The following ANXA2 variants were observed in gnomAD, a reference collection of about 807,000 sequenced individuals.
ANXA2 encodes the protein annexin II.
Under a neutral mutation model 47.3 loss-of-function variants are expected in ANXA2, and 28 were observed. The observed-to-expected ratio is 0.59, with a 90% CI of 0.44 to 0.81. The LOEUF (loss-of-function observed/expected upper bound fraction) is 0.81, where lower values mean the gene tolerates loss of function less well. ANXA2 is among the 40% of genes least tolerant of loss of function. The pLI is 0.00. For synonymous variants in ANXA2, 172 were observed against 155.5 expected (o/e 1.11, Z -0.79); for missense variants, 384 against 414.3 (o/e 0.93, Z 0.64).
intron 5 of ANXA2, among the ~76,000 whole-genome samples, chr15:60,358,028 T>A (rs533149808): frequency 1.8e-4 from 28 of 152,352 alleles, no homozygotes; most frequent in Non-Finnish European, 2.9e-5. Context: ...CCAGCATTGT[T>A]AGAGTAAGTC....
At chr15:60,380,753 G>A (rs1271251031) in intron 3 of ANXA2, among the ~76,000 whole-genome samples, 2 of 134,774 alleles carry the variant, frequency 1.5e-5, no homozygotes, top group African/African-American at 2.9e-5. Context: ...GCAGTGAGCT[G>A]AGATGATGCC....
chr15:60,382,316 A>G (rs779350334), intron 3 of ANXA2, 26 bp downstream of exon 3: 7 of 1,576,760 alleles, frequency 4.4e-6, no homozygotes, highest in Non-Finnish European at 6.1e-6. Context: ...AGACCCTGAC[A>G]AGAAGAGGAC....
intron 1 of ANXA2, among the ~76,000 whole-genome samples, chr15:60,392,685 G>C (rs2063029500): frequency 6.6e-6 from 1 of 152,234 alleles, no homozygotes; most frequent in African/African-American, 2.4e-5. Flanking sequence ...GGGCTGGTCT[G>C]CACAGGCAAA....
At chr15:60,397,448 G>C (rs2063096039) in intron 1 of ANXA2, 1 of 473,600 alleles carries the variant, frequency 2.1e-6, no homozygotes, top group South Asian at 9.2e-5. Context: ...CCTCCTGCTG[G>C]TCGGTTCAAC....
intron 3 of ANXA2, among the ~76,000 whole-genome samples, chr15:60,370,535 C>T (rs1275187706): frequency 1.3e-5 from 2 of 152,174 alleles, no homozygotes; most frequent in Non-Finnish European, 2.9e-5. Flanking sequence ...GCCATTTATT[C>T]CTGTGAAAAA....
At chr15:60,368,253 T>C (rs1056322961) in intron 3 of ANXA2, among the ~76,000 whole-genome samples, 1 of 146,574 alleles carries the variant, frequency 6.8e-6, no homozygotes, top group African/African-American at 2.5e-5. Context: ...CCCTCCACTA[T>C]TGTCCTATGA....
At chr15:60,368,384 A>T (rs1341493753) in intron 3 of ANXA2, among the ~76,000 whole-genome samples, 1 of 151,992 alleles carries the variant, frequency 6.6e-6, no homozygotes, top group Non-Finnish European at 1.5e-5. Context: ...AGCTTCAAAG[A>T]TGCTTATTTC....
chr15:60,352,057 T>C lies in ANXA2; in HGVS notation c.683-238A>G, dbSNP rs2062357569. On this transcript the variant is annotated intron_variant, in intron 9 of 12. Transcript: ENST00000451270. The surrounding 1 kb of genome is among the most constrained non-coding windows in gnomAD (Gnocchi z 4.2). ...GCCACATATTTGGACCATCTCTATC[T>C]CCCCTGAGTGGAACCCATTCCATCC... 6.6e-6 allele frequency among the ~76,000 whole-genome samples: 1 copy of C among 151,880 alleles called. No individual in the cohort carries two copies. Among genetic ancestry groups the C allele is most frequent in the Non-Finnish European group, 1.5e-5 (1 of 67,992 alleles).
At chr15:60,386,189 T>G in intron 1 of ANXA2, 103 bp from the exon 2 acceptor site, 1 of 789,918 alleles carries the variant, frequency 1.3e-6, no homozygotes. Flanking sequence ...CCATTTCATC[T>G]GACGATATTG....
chr15:60,382,221 T>A, intron 3 of ANXA2, 121 bp downstream of exon 3: 1 of 705,880 alleles, frequency 1.4e-6, no homozygotes, highest in Non-Finnish European at 2.6e-6. Context: ...CTGGATCTAC[T>A]CCATTAAAGC....
chr15:60,366,195 G>C (rs548663455), intron 3 of ANXA2, among the ~76,000 whole-genome samples: 1 of 147,456 alleles, frequency 6.8e-6, no homozygotes, highest in South Asian at 2.2e-4. Flanking sequence ...ATCTCGGCTC[G>C]CTACAACCAC....
chr15:60,396,640 C>CT (rs2063084553), intron 1 of ANXA2, among the ~76,000 whole-genome samples: 1 of 152,222 alleles, frequency 6.6e-6, no homozygotes, highest in Non-Finnish European at 1.5e-5. Context: ...TTAAAAAGGT[C>CT]TTTCAGGGCT....
intron 1 of ANXA2, chr15:60,391,015 AC>A: frequency 6.6e-6 from 1 of 152,648 alleles, no homozygotes; most frequent in Admixed American, 6.5e-5. Context: ...TAATCAACGA[AC>A]CCATACCAAG....
intron 1 of ANXA2, among the ~76,000 whole-genome samples, chr15:60,389,645 C>A (rs1397074275): frequency 1.3e-5 from 2 of 152,222 alleles, no homozygotes; most frequent in African/African-American, 4.8e-5. Flanking sequence ...CATGCCACCA[C>A]CAACTAAATC....
chr15:60,374,339 G>A (rs1274039721), intron 3 of ANXA2: 8 of 390,272 alleles, frequency 2.0e-5, no homozygotes, highest in Non-Finnish European at 2.5e-5. Flanking sequence ...GAAGGAACAT[G>A]CATAAAATGC....
chr15:60,356,508 C>T (rs527887880), intron 6 of ANXA2, among the ~76,000 whole-genome samples: 32 of 151,972 alleles, frequency 2.1e-4, no homozygotes, highest in African/African-American at 7.2e-4. Context: ...CTGTAATGTT[C>T]CTGATACAAA....
chr15:60,351,078 C>A (rs1595660213), intron 11 of ANXA2, 115 bp downstream of exon 11: 2 of 974,544 alleles, frequency 2.1e-6, no homozygotes, highest in East Asian at 2.4e-5. Context: ...TGTGTTCCTG[C>A]ATCCACACAG....
chr15:60,377,792 T>G (rs1376687364), intron 3 of ANXA2, among the ~76,000 whole-genome samples: 1 of 152,036 alleles, frequency 6.6e-6, no homozygotes, highest in Non-Finnish European at 1.5e-5. Flanking sequence ...CTTTTTTGAT[T>G]AAAAGAAATC....
chr15:60,374,692 T>C (rs138577199), intron 3 of ANXA2: 2 of 456,116 alleles, frequency 4.4e-6, no homozygotes, highest in East Asian at 1.4e-4. Context: ...CCTACATAGA[T>C]ACATAGACAA....
Sources: gnomAD v4.1 joint callset for allele counts (sites outside exome capture counted in the v4.1 genomes callset) on GRCh38, gnomAD v4.1.1 for gene constraint, Gnocchi (gnomAD v3.1) non-coding constraint, MANE v1.5 for transcripts, NCBI Gene and HGNC (gene_info 2026-07-23, HGNC 2026-07-21) for gene names.